The following MAP7 variants were observed in gnomAD, a reference collection of about 807,000 sequenced individuals.
MAP7 encodes the protein ensconsin.
MAP7 carries 52 observed loss-of-function variants against 94.8 expected under a neutral mutation model. That is an observed-to-expected ratio of 0.55 (90% CI 0.44 to 0.69). The LOEUF is 0.69. Ranked by LOEUF, MAP7 falls within the 30% of genes least tolerant of loss-of-function variation. The pLI, the probability that MAP7 is intolerant of heterozygous loss-of-function variation, is 0.00. For synonymous variants in MAP7, 350 were observed against 357.0 expected (o/e 0.98, Z 0.22); for missense variants, 940 against 964.6 (o/e 0.97, Z 0.34).
At chr6:136,383,035 T>G (rs1582742523) in intron 6 of MAP7, among the ~76,000 whole-genome samples, 1 of 152,198 alleles carries the variant, frequency 6.6e-6, no homozygotes, top group South Asian at 2.1e-4. Flanking sequence ...ATCCATGGGA[T>G]GAATAAAACT....
chr6:136,429,614 A>G (rs1475439196), intron 1 of MAP7, among the ~76,000 whole-genome samples: 1 of 152,212 alleles, frequency 6.6e-6, no homozygotes, highest in Admixed American at 6.5e-5. Flanking sequence ...TGTTCCATAT[A>G]TCTTGTGGGA....
At chr6:136,504,750 G>A (rs1029597703) in intron 1 of MAP7, among the ~76,000 whole-genome samples, 10 of 152,050 alleles carry the variant, frequency 6.6e-5, no homozygotes, top group African/African-American at 1.9e-4. Context: ...GCACAATCTC[G>A]GCCCAATGCA....
At chr6:136,433,969 G>C (rs1357507899) in intron 1 of MAP7, among the ~76,000 whole-genome samples, 2 of 152,156 alleles carry the variant, frequency 1.3e-5, no homozygotes, top group Non-Finnish European at 2.9e-5. Context: ...GATGTCTGCA[G>C]GGACAGACGA....
intron 1 of MAP7, among the ~76,000 whole-genome samples, chr6:136,461,204 T>C (rs1254334198): frequency 6.6e-6 from 1 of 152,182 alleles, no homozygotes; most frequent in Non-Finnish European, 1.5e-5. Flanking sequence ...CTACAATTCA[T>C]GTAAAGAAAC....
Position 136,366,447 on chromosome 6 carries a change from CA to C in MAP7, c.877-9del. ...TCTTTCTTTTTTATAGCTCTAAGTT[CA>C]GAGAAACTCAATAGTTAGATTTTTC... On this transcript the variant is annotated splice_polypyrimidine_tract_variant and intron_variant, in intron 8 of 17. Coordinates refer to ENST00000354570, the MANE Select transcript of MAP7 (RefSeq NM_003980.6). 1 of 1,569,810 alleles carries C rather than the reference CA, an allele frequency of 6.4e-7. No individual in the cohort carries two copies. The highest frequency in any genetic ancestry group is 8.8e-7 in the Non-Finnish European group (1 of 1,140,016).
Position 136,472,844 on chromosome 6 carries a change from T to A in MAP7, c.68-51045A>T, listed in dbSNP as rs1193428662. On this transcript the variant is annotated intron_variant, in intron 1 of 17. Coordinates refer to ENST00000354570, the MANE Select transcript of MAP7 (RefSeq NM_003980.6). ...CAGATTAGTCTCCCTAAAAAAAAAA[T>A]AAATAAAAATAAAAAAATTAAAAAA... is the stretch of plus-strand genomic sequence containing the variant. Among the ~76,000 whole-genome samples the A allele has an allele frequency of 2.0e-5, 3 of 151,328 alleles. No individual in the cohort carries two copies. In the South Asian group the frequency reaches 6.3e-4, roughly 32 times the overall value.
intron 1 of MAP7, among the ~76,000 whole-genome samples, chr6:136,543,590 T>A (rs1015644993): frequency 2.0e-5 from 3 of 151,280 alleles, no homozygotes; most frequent in African/African-American, 7.3e-5. Flanking sequence ...GCGGAGGAGG[T>A]TCCTGTGAGC....
chr6:136,463,608 G>A (rs1373054647), intron 1 of MAP7, among the ~76,000 whole-genome samples: 2 of 152,142 alleles, frequency 1.3e-5, no homozygotes, highest in East Asian at 3.8e-4. Context: ...ATTAAGGAAA[G>A]AACTTGCATT....
At position 136,356,777 on chromosome 6, in the gene MAP7, A is replaced by T. The variant is rs527451128; in HGVS notation, c.1930T>A (p.Cys644Ser). Reference protein sequence around the residue: ...TGGTEVSALPCTTNAPGNGKP... With the variant: ...TGGTEVSALPSTTNAPGNGKP... The stretch of plus-strand genomic sequence containing the variant: ...CCATTTCCCGGAGCGTTTGTTGTAC[A>T]TGGAAGTGCAGACACCTCTGGGCAT... Residue 644 changes from cysteine to serine, a missense_variant, in exon 16 of 18, where the codon TGT (cysteine) becomes AGT (serine). By Grantham distance (112) the Cys-to-Ser change is moderately radical. Coordinates refer to ENST00000354570, the MANE Select transcript of MAP7 (RefSeq NM_003980.6). 1 of 1,614,080 alleles carries T rather than the reference A, an allele frequency of 6.2e-7. No homozygotes were observed. The highest frequency in any genetic ancestry group is 2.2e-5 in the East Asian group (1 of 44,874).
intron 1 of MAP7, among the ~76,000 whole-genome samples, chr6:136,472,246 A>T (rs944383624): frequency 6.6e-6 from 1 of 152,214 alleles, no homozygotes; most frequent in African/African-American, 2.4e-5. Context: ...ATTAATTACA[A>T]TGTATTTCAG....
At chr6:136,476,469 T>G (rs2128952027) in intron 1 of MAP7, among the ~76,000 whole-genome samples, 1 of 152,334 alleles carries the variant, frequency 6.6e-6, no homozygotes, top group African/African-American at 2.4e-5. Flanking sequence ...CTGAAAACTT[T>G]ATAAAAATAT....
At chr6:136,421,457 C>T (rs908154042) in intron 2 of MAP7, among the ~76,000 whole-genome samples, 4 of 152,116 alleles carry the variant, frequency 2.6e-5, no homozygotes, top group South Asian at 2.1e-4. Context: ...GTAAGCAGGT[C>T]GTGTGTTTGA....
chr6:136,449,620 G>A (rs938493928), intron 1 of MAP7, among the ~76,000 whole-genome samples: 6 of 152,226 alleles, frequency 3.9e-5, no homozygotes, highest in African/African-American at 1.4e-4. Flanking sequence ...TCTCCCTAAT[G>A]TCTGTTTACA....
rs537019192 is a variant in MAP7, at chr6:136,473,147, T to C, written c.68-51348A>G. Among the ~76,000 whole-genome samples the C allele has an allele frequency of 3.0e-4, 45 of 152,348 alleles. 1 individual carries two copies. The South Asian group carries it at 8.7e-3, about 29-fold the overall frequency. On this transcript the variant is annotated intron_variant, in intron 1 of 17. Transcript: ENST00000354570. ...CAAACACATCAAGAGCCAAGGCACA[T>C]GCCCTCACCCTCTCTAAAGTACATC... is the stretch of plus-strand genomic sequence containing the variant.
At chr6:136,360,892 G>A in intron 12 of MAP7, 94 bp from the exon 13 acceptor site, 2 of 1,554,254 alleles carry the variant, frequency 1.3e-6, no homozygotes, top group Admixed American at 3.5e-5. Flanking sequence ...GGTGGCGGAT[G>A]GAGAAGGTGT....
intron 1 of MAP7, among the ~76,000 whole-genome samples, chr6:136,464,407 A>G (rs182215406): frequency 2.6e-5 from 4 of 152,360 alleles, no homozygotes; most frequent in Admixed American, 2.6e-4. Flanking sequence ...GAGCGAGACC[A>G]CATTCACGTA....
chr6:136,526,399 C>A, intron 1 of MAP7: 1 of 989,288 alleles, frequency 1.0e-6, no homozygotes, highest in Non-Finnish European at 1.2e-6. Flanking sequence ...TGCTGCAGCA[C>A]CTTTTTCCAA....
intron 1 of MAP7, among the ~76,000 whole-genome samples, chr6:136,538,642 G>A (rs1829067443): frequency 6.6e-6 from 1 of 151,892 alleles, no homozygotes; most frequent in African/African-American, 2.4e-5. Context: ...AAAATTAGCT[G>A]GTGCTAGGAA....
chr6:136,508,907 GAAGAATGGAAT>G (rs1442120618), intron 1 of MAP7, among the ~76,000 whole-genome samples: 15 of 152,192 alleles, frequency 9.9e-5, no homozygotes, highest in African/African-American at 3.4e-4. Flanking sequence ...GTAAGTGTCA[GAAGAATGGAAT>G]TCAAGAAACA....
Sources: gnomAD v4.1 joint callset for allele counts (sites outside exome capture counted in the v4.1 genomes callset) on GRCh38, gnomAD v4.1.1 for gene constraint, MANE v1.5 for transcripts, NCBI Gene and HGNC (gene_info 2026-07-23, HGNC 2026-07-21) for gene names.